The following TICRR variants were observed in gnomAD, a reference collection of about 807,000 sequenced individuals.
TICRR encodes TOPBP1 interacting checkpoint and replication regulator.
A neutral mutation model predicts 178.1 loss-of-function variants in TICRR; 132 were observed. That is an observed-to-expected ratio of 0.74 (90% CI 0.64 to 0.86). The LOEUF (loss-of-function observed/expected upper bound fraction) is 0.86. Among genes scored for constraint, TICRR ranks in the 40% least tolerant of loss-of-function variants. TICRR has a pLI of 0.00. For synonymous variants in TICRR, 991 were observed against 900.7 expected, an observed-to-expected ratio of 1.10 and a Z score of -1.79; for missense variants, 2,587 against 2,334.3, an observed-to-expected ratio of 1.11 and a Z score of -2.23.
chr15:89,610,825 G>A (rs1396294415), intron 15 of TICRR, among the ~76,000 whole-genome samples: 1 of 150,960 alleles, frequency 6.6e-6, no homozygotes, highest in African/African-American at 2.4e-5. Context: ...CTTTTTCTGT[G>A]TATTTTTAAG....
intron 2 of TICRR, 144 bp downstream of exon 2, chr15:89,583,109 G>A (rs1962759824): frequency 1.1e-6 from 1 of 891,472 alleles, no homozygotes; most frequent in South Asian, 1.9e-5. Context: ...AAGACATCAA[G>A]GCAAAATCAG....
chr15:89,627,049 G>T lies in TICRR; in HGVS notation c.5696G>T (p.Arg1899Leu). Reference protein sequence around the residue: ...RRRPISRTYTRKKLMGTWLED... With the variant: ...RRRPISRTYTLKKLMGTWLED... The stretch of plus-strand genomic sequence containing the variant: ...CGCCCCATCAGCAGAACTTATACAC[G>T]GAAGAAGCTCATGGGAACCTGGCTG... Residue 1899 changes from arginine (R) to leucine (L), a missense_variant, in exon 22 of 22, where the codon CGG becomes CTG. Physicochemically the swap from Arg to Leu is moderately radical, Grantham distance 102. Transcript: ENST00000268138. 6.2e-7 allele frequency: 1 copy of T among 1,614,080 alleles called. No individual in the cohort carries two copies. The highest frequency in any genetic ancestry group is 8.5e-7 in the Non-Finnish European group (1 of 1,180,040).
At chr15:89,602,407 A>AT (rs1963113321) in intron 12 of TICRR, among the ~76,000 whole-genome samples, 1 of 152,204 alleles carries the variant, frequency 6.6e-6, no homozygotes, top group South Asian at 2.1e-4. Context: ...AGGTTTCTAT[A>AT]TAGGCTCCAT....
intron 4 of TICRR, among the ~76,000 whole-genome samples, chr15:89,588,506 C>T (rs118128459): frequency 6.6e-6 from 1 of 152,162 alleles, no homozygotes; most frequent in East Asian, 1.9e-4. Context: ...GTGAGGACAA[C>T]GGAAGGACAG....
Position 89,606,780 on chromosome 15 carries a change from C to G in TICRR, c.2677C>G (p.Pro893Ala). The G allele has an allele frequency of 6.2e-7, 1 of 1,613,606 alleles. No homozygotes were observed. The highest frequency in any genetic ancestry group is 1.3e-5 in the African/African-American group (1 of 74,950). The change falls in exon 14 of 22, where the codon CCT (proline) becomes GCT (alanine). Residue 893 changes from proline (P) to alanine (A), a missense_variant. By Grantham distance (27) the Pro-to-Ala change is conservative. Coordinates refer to ENST00000268138, the MANE Select transcript of TICRR (RefSeq NM_152259.4). ...KRATKKENSH[P>A]APQQPSQPVK... is the part of the protein sequence containing the mutation. Reference sequence around the variant, plus strand: ...TCTCATGTTTCAGGAGAACTCTCACCCTGCTCCTCAGCAGCCTTCCCAGCC... The same window carrying G: ...TCTCATGTTTCAGGAGAACTCTCACGCTGCTCCTCAGCAGCCTTCCCAGCC...
chr15:89,595,818 GC>G (rs1282666789), intron 7 of TICRR, among the ~76,000 whole-genome samples: 2 of 152,058 alleles, frequency 1.3e-5, no homozygotes, highest in Non-Finnish European at 2.9e-5. Flanking sequence ...AGCCGAGATT[GC>G]ACCACTGCAC....
At chr15:89,597,524 CAAA>C (rs573543978) in intron 7 of TICRR, among the ~76,000 whole-genome samples, 6 of 117,536 alleles carry the variant, frequency 5.1e-5, no homozygotes, top group Non-Finnish European at 8.9e-5. Context: ...GACTCTGTCT[CAAA>C]AAAAAAAAAA....
rs1463988798 is a variant in TICRR, at chr15:89,624,123, C to T, written c.3813C>T (p.Val1271=). 12 of 1,613,940 alleles carry T rather than the reference C, an allele frequency of 7.4e-6. No homozygotes were observed. Among genetic ancestry groups the T allele is most frequent in the Non-Finnish European group, 1.0e-5 (12 of 1,180,008 alleles). The change falls in exon 20 of 22, where the codon GTC becomes GTT. Residue 1271 remains valine (V), a synonymous_variant. Transcript: ENST00000268138. ...ATCAAACACACCAACAGCCCCATGTCCTCAGAGCTGCTCGGGCAGAGGAAC... is the reference window on the plus strand; with the variant it reads ...ATCAAACACACCAACAGCCCCATGTTCTCAGAGCTGCTCGGGCAGAGGAAC... ...PQNQTHQQPH[V]LRAARAEEPA...
chr15:89,575,659 C>T lies in TICRR; in HGVS notation c.73C>T (p.Arg25Trp). ...GGAARHSRVR[R>W]AALRLLTYLS... is the part of the protein sequence containing the mutation. Reference sequence around the variant, plus strand: ...CGCCGCCCGCCACAGCCGGGTCCGGCGGGCCGCCCTGCGCCTCCTCACCTA... The same window carrying T: ...CGCCGCCCGCCACAGCCGGGTCCGGTGGGCCGCCCTGCGCCTCCTCACCTA... The change falls in exon 1 of 22, where the codon CGG (arginine) becomes TGG (tryptophan). Residue 25 changes from arginine to tryptophan, a missense_variant. Physicochemically the swap from Arg to Trp is moderately radical, Grantham distance 101. Transcript: ENST00000268138. 6.4e-7 allele frequency: 1 copy of T among 1,574,342 alleles called. No individual in the cohort carries two copies. Among genetic ancestry groups the T allele is most frequent in the Non-Finnish European group, 8.6e-7 (1 of 1,162,508 alleles).
At chr15:89,609,827 GT>G (rs1963231236) in intron 15 of TICRR, among the ~76,000 whole-genome samples, 1 of 151,598 alleles carries the variant, frequency 6.6e-6, no homozygotes, top group Non-Finnish European at 1.5e-5. Context: ...ATTGGCTTTG[GT>G]TTTTGTTTGC....
intron 4 of TICRR, among the ~76,000 whole-genome samples, chr15:89,587,367 G>A (rs1225489160): frequency 6.6e-6 from 1 of 152,166 alleles, no homozygotes; most frequent in Non-Finnish European, 1.5e-5. Context: ...GATTTGTCTG[G>A]ACTAGAGATG....
chr15:89,600,169 G>A (rs142243319), intron 8 of TICRR, among the ~76,000 whole-genome samples: 18 of 152,114 alleles, frequency 1.2e-4, no homozygotes, highest in African/African-American at 3.4e-4. Flanking sequence ...TGGGGTTGGC[G>A]CTTTTAAAAA....
intron 5 of TICRR, among the ~76,000 whole-genome samples, chr15:89,593,224 C>T (rs1962941757): frequency 6.6e-6 from 1 of 152,176 alleles, no homozygotes; most frequent in South Asian, 2.1e-4. Flanking sequence ...GACATCTTAA[C>T]AATGTTGAGT....
chr15:89,575,614 C>A lies in TICRR; in HGVS notation c.28C>A (p.Leu10Met). The change falls in exon 1 of 22, where the codon CTG (leucine) becomes ATG (methionine). Residue 10 changes from leucine (L) to methionine (M), a missense_variant. Coordinates refer to ENST00000268138, the MANE Select transcript of TICRR (RefSeq NM_152259.4). MACCHKVML[L>M]LDTAGGAARH... is the part of the protein sequence containing the mutation. ...GGCATGCTGTCACAAAGTAATGCTG[C>A]TGCTGGACACCGCGGGCGGCGCCGC... 6.5e-7 allele frequency: 1 copy of A among 1,530,534 alleles called. No individual in the cohort carries two copies. Among genetic ancestry groups the A allele is most frequent in the Non-Finnish European group, 8.7e-7 (1 of 1,143,346 alleles). The allele number at this position is 1,530,534 out of a possible 1,614,324, so 94.8% of individuals were successfully genotyped here. A position where few individuals can be genotyped will look rare whatever the true frequency, so the allele number is the denominator to read the frequency against.
chr15:89,593,671 A>T (rs1342319698), intron 5 of TICRR, among the ~76,000 whole-genome samples: 1 of 152,148 alleles, frequency 6.6e-6, no homozygotes, highest in Non-Finnish European at 1.5e-5. Flanking sequence ...GCGCCACTGC[A>T]CTCCAGGATG....
rs1962781893 is a variant in TICRR, at chr15:89,584,348, C to T, written c.997C>T (p.His333Tyr). 3 of 1,614,154 alleles carry T rather than the reference C, an allele frequency of 1.9e-6. No homozygotes were observed. In the Middle Eastern group the frequency reaches 4.9e-4, roughly 266 times the overall value. ...TLEPLAMHQR[H>Y]FQKPVRIFLK... Reference sequence around the variant, plus strand: ...AGAGCCCTTGGCCATGCATCAGAGACATTTTCAGAAACCAGTCAGAATTTT... The same window carrying T: ...AGAGCCCTTGGCCATGCATCAGAGATATTTTCAGAAACCAGTCAGAATTTT... Residue 333 changes from histidine (H) to tyrosine (Y), a missense_variant, in exon 3 of 22, where the codon CAT (histidine) becomes TAT (tyrosine). Coordinates refer to ENST00000268138, the MANE Select transcript of TICRR (RefSeq NM_152259.4).
chr15:89,609,078 A>G, intron 15 of TICRR, 129 bp downstream of exon 15: 2 of 552,228 alleles, frequency 3.6e-6, no homozygotes, highest in Non-Finnish European at 5.6e-6. Context: ...AGTCTAGCTA[A>G]AGGTTTGTCA....
In TICRR at chr15:89,582,942, G is replaced by C; in HGVS notation, c.911G>C (p.Gly304Ala). 8.1e-6 allele frequency: 13 copies of C among 1,613,280 alleles called. No homozygotes were observed. The highest frequency in any genetic ancestry group is 1.1e-5 in the Non-Finnish European group (13 of 1,179,442). The change falls in exon 2 of 22, where the codon GGA becomes GCA. Residue 304 changes from glycine to alanine, a missense_variant. By Grantham distance (60) the Gly-to-Ala change is moderately conservative. Transcript: ENST00000268138. ...GAGGCCTCGTTTCCACGAATGGAAG[G>C]AATGTTATTTCTCCCTGTTGAAGGT... ...EYEASFPRME[G>A]MLFLPVEAGK...
intron 5 of TICRR, among the ~76,000 whole-genome samples, chr15:89,593,238 C>G (rs771126866): frequency 2.6e-5 from 4 of 152,270 alleles, no homozygotes; most frequent in South Asian, 4.1e-4. Context: ...GTTGAGTCAT[C>G]CGATCCATGA....
Sources: gnomAD v4.1 joint callset for allele counts (sites outside exome capture counted in the v4.1 genomes callset) on GRCh38, gnomAD v4.1.1 for gene constraint, MANE v1.5 for transcripts, NCBI Gene and HGNC (gene_info 2026-07-23, HGNC 2026-07-21) for gene names.